The following SPDYE18 variants were observed in gnomAD, a reference collection of about 807,000 sequenced individuals.
The protein encoded by SPDYE18 is speedy protein E18.
In SPDYE18, 6 loss-of-function variants were observed where a neutral mutation model predicts 44.9. The observed-to-expected ratio is 0.13, with a 90% CI of 0.07 to 0.26. SPDYE18 has a LOEUF of 0.26. SPDYE18 is among the 10% of genes least tolerant of loss of function. The pLI, the probability that SPDYE18 is intolerant of heterozygous loss-of-function variation, is 1.00. For synonymous variants in SPDYE18, 35 were observed against 177.1 expected (o/e 0.20, Z 6.37); for missense variants, 121 against 463.2 (o/e 0.26, Z 6.78).
Position 77,060,000 on chromosome 7 carries a change from C to T in SPDYE18, c.160+353G>A, listed in dbSNP as rs570664713. Among the ~76,000 whole-genome samples the T allele has an allele frequency of 2.7e-5, 4 of 147,650 alleles. No homozygotes were observed. In the South Asian group the frequency reaches 6.4e-4, roughly 24 times the overall value. ...CCCTCCTCAGGTTCTCCTTCCTGAC[C>T]GCTGACCCTTCTTTTCTTTTTTCTT... is the stretch of plus-strand genomic sequence containing the variant. On this transcript the variant is annotated intron_variant, in intron 2 of 8. Coordinates refer to ENST00000510091, the MANE Select transcript of SPDYE18 (RefSeq NM_001394953.1).
chr7:77,052,707 C>T, intron 8 of SPDYE18, 26 bp downstream of exon 8: 1 of 1,578,260 alleles, frequency 6.3e-7, no homozygotes, highest in Admixed American at 1.8e-5. Context: ...AATATTCTGC[C>T]TTTACCCCGG....
At chr7:77,059,597 C>T (rs1378547597) in intron 2 of SPDYE18, among the ~76,000 whole-genome samples, 199 bp from the exon 3 acceptor site, 42 of 151,080 alleles carry the variant, frequency 2.8e-4, no homozygotes, top group East Asian at 2.0e-3. Flanking sequence ...CTCTGTCCTC[C>T]GAACACTGCT....
intron 4 of SPDYE18, among the ~76,000 whole-genome samples, chr7:77,056,894 CAG>C (rs1198242481): frequency 4.0e-5 from 6 of 151,166 alleles, no homozygotes. Flanking sequence ...GGGACCACTG[CAG>C]AGTCATAAAG....
chr7:77,054,704 C>T (rs867803032), intron 6 of SPDYE18, among the ~76,000 whole-genome samples: 4 of 151,114 alleles, frequency 2.6e-5, no homozygotes, highest in African/African-American at 9.7e-5. Context: ...CCCTTAGGAG[C>T]GGTTTATGGT....
chr7:77,053,786 T>C, intron 6 of SPDYE18, among the ~76,000 whole-genome samples: 1 of 151,350 alleles, frequency 6.6e-6, no homozygotes, highest in African/African-American at 2.4e-5. Flanking sequence ...TTGCAGTGAG[T>C]CGAGATTGGG....
Position 77,051,184 on chromosome 7 carries a change from G to T in SPDYE18, c.*741C>A, listed in dbSNP as rs1175329374. ...TTTATGGAAGTATCATAGATAAAAA[G>T]AGTGCTCGCTTCAGGAGCACATATA... On this transcript the variant is annotated 3_prime_UTR_variant, in exon 9 of 9. Coordinates refer to ENST00000510091, the MANE Select transcript of SPDYE18 (RefSeq NM_001394953.1). 6.6e-6 allele frequency among the ~76,000 whole-genome samples: 1 copy of T among 152,104 alleles called. No individual in the cohort carries two copies. Among genetic ancestry groups the T allele is most frequent in the Non-Finnish European group, 1.5e-5 (1 of 68,026 alleles).
intron 3 of SPDYE18, among the ~76,000 whole-genome samples, chr7:77,058,671 ATTG>A (rs1417719941): frequency 6.8e-6 from 1 of 147,326 alleles, no homozygotes; most frequent in Non-Finnish European, 1.5e-5. Context: ...TAATTTTTGT[ATTG>A]TTAGTATAAA....
rs1480786479 is a variant in SPDYE18 at position 77,050,788 on chromosome 7, G to A, written c.*1137C>T. Among the ~76,000 whole-genome samples the A allele has an allele frequency of 6.6e-6, 1 of 151,718 alleles. No homozygotes were observed. Among genetic ancestry groups the A allele is most frequent in the Non-Finnish European group, 1.5e-5 (1 of 67,954 alleles). On this transcript the variant is annotated 3_prime_UTR_variant, in exon 9 of 9. Transcript: ENST00000510091. Reference sequence around the variant, plus strand: ...AAGGAAAACAAAATTATATGTATGTGTATATAATAGTTATAACACCCATCA... The same window carrying A: ...AAGGAAAACAAAATTATATGTATGTATATATAATAGTTATAACACCCATCA...
chr7:77,060,576 A>G lies in SPDYE18; in HGVS notation c.-64T>C, dbSNP rs1790005716. ...GTTATCAATTCTCAAGCCTAGGAGA[A>G]GTCAGGAGTGGAGAACAGCTCTGAG... On this transcript the variant is annotated 5_prime_UTR_variant, in exon 2 of 9. Coordinates refer to ENST00000510091, the MANE Select transcript of SPDYE18 (RefSeq NM_001394953.1). The G allele has an allele frequency of 6.5e-7, 1 of 1,534,514 alleles. No individual in the cohort carries two copies. Among genetic ancestry groups the G allele is most frequent in the Admixed American group, 2.0e-5 (1 of 50,934 alleles).
chr7:77,059,943 C>T (rs1246187566), intron 2 of SPDYE18, among the ~76,000 whole-genome samples: 1 of 150,138 alleles, frequency 6.7e-6, no homozygotes, highest in African/African-American at 2.5e-5. Context: ...AGCCACTGCA[C>T]CCAGCCTGAA....
At chr7:77,059,985 G>T (rs1789993890) in intron 2 of SPDYE18, among the ~76,000 whole-genome samples, 1 of 145,120 alleles carries the variant, frequency 6.9e-6, no homozygotes, top group South Asian at 2.2e-4. Context: ...CCCTCCTCAG[G>T]TTCTCCTTCC....
At chr7:77,051,945 G>A (rs66492377) in intron 8 of SPDYE18, among the ~76,000 whole-genome samples, 66 bp from the exon 9 acceptor site, 11,260 of 143,076 alleles carry the variant, frequency 0.079, no homozygotes, top group Middle Eastern at 0.15. Context: ...GGTTATTCAC[G>A]TCCCATGTCA....
Position 77,060,590 on chromosome 7 carries a change from A to C in SPDYE18, c.-78T>G. 6.5e-7 allele frequency: 1 copy of C among 1,533,108 alleles called. No individual in the cohort carries two copies. Among genetic ancestry groups the C allele is most frequent in the Non-Finnish European group, 8.7e-7 (1 of 1,145,648 alleles). 95.0% of individuals were successfully genotyped at this position (1,533,108 alleles called of 1,614,324 possible). A position where few individuals can be genotyped will look rare whatever the true frequency, so the allele number is the denominator to read the frequency against. ...AGCCTAGGAGAAGTCAGGAGTGGAG[A>C]ACAGCTCTGAGAAGATACTGTTGTC... On this transcript the variant is annotated 5_prime_UTR_variant, in exon 2 of 9. Coordinates refer to ENST00000510091, the MANE Select transcript of SPDYE18 (RefSeq NM_001394953.1).
At position 77,051,044 on chromosome 7, in the gene SPDYE18, A is replaced by G. The variant is rs1206202266; in HGVS notation, c.*881T>C. On this transcript the variant is annotated 3_prime_UTR_variant, in exon 9 of 9. Coordinates refer to ENST00000510091, the MANE Select transcript of SPDYE18 (RefSeq NM_001394953.1). ...ATATATCTGAGACATGTTAAAAATC[A>G]CAACTGAATTCTCACAATTCAGTCA... is the stretch of plus-strand genomic sequence containing the variant. 6.6e-6 allele frequency among the ~76,000 whole-genome samples: 1 copy of G among 151,952 alleles called. No homozygotes were observed. Among genetic ancestry groups the G allele is most frequent in the Admixed American group, 6.6e-5 (1 of 15,264 alleles).
At chr7:77,057,434 A>G (rs1250838323) in intron 4 of SPDYE18, among the ~76,000 whole-genome samples, 1 of 151,378 alleles carries the variant, frequency 6.6e-6, no homozygotes, top group Non-Finnish European at 1.5e-5. Context: ...AAGCTTTCTT[A>G]TCCCAAGCGC....
rs528534062 is a variant in SPDYE18, at chr7:77,062,555, G to C, written c.-481C>G. Among the ~76,000 whole-genome samples, 269 of 152,290 alleles carry C rather than the reference G, an allele frequency of 1.8e-3. No individual in the cohort carries two copies. The highest frequency in any genetic ancestry group is 6.2e-3 in the African/African-American group (258 of 41,556). On this transcript the variant is annotated 5_prime_UTR_variant, in exon 1 of 9. Transcript: ENST00000510091. ...CAGATCTGGGGTCTGTCTCTGCTGA[G>C]GGTGGGGTGAACCAGGAAGCACCTC...
chr7:77,055,479 G>T (rs1320579353), intron 5 of SPDYE18, among the ~76,000 whole-genome samples, 158 bp from the exon 6 acceptor site: 5 of 147,216 alleles, frequency 3.4e-5, no homozygotes, highest in African/African-American at 1.2e-4. Flanking sequence ...GGATGGAGGG[G>T]TATTCGAAGG....
chr7:77,051,809 T>C lies in SPDYE18; in HGVS notation c.*116A>G, dbSNP rs1789805008. The stretch of plus-strand genomic sequence containing the variant: ...CTGCACAAATGGTTCCTCTCCTCTT[T>C]CCTGTTGTCTGCCATTAGCATTGGA... On this transcript the variant is annotated 3_prime_UTR_variant, in exon 9 of 9. Coordinates refer to ENST00000510091, the MANE Select transcript of SPDYE18 (RefSeq NM_001394953.1). Among the ~76,000 whole-genome samples the C allele has an allele frequency of 6.6e-6, 1 of 151,792 alleles. No homozygotes were observed. Among genetic ancestry groups the C allele is most frequent in the Non-Finnish European group, 1.5e-5 (1 of 67,978 alleles).
At chr7:77,053,631 G>A (rs1236631787) in intron 6 of SPDYE18, among the ~76,000 whole-genome samples, 2 of 152,276 alleles carry the variant, frequency 1.3e-5, no homozygotes, top group East Asian at 3.8e-4. Flanking sequence ...CTTGAGACCA[G>A]GAGTTGGAGA....
Sources: gnomAD v4.1 joint callset for allele counts (sites outside exome capture counted in the v4.1 genomes callset) on GRCh38, gnomAD v4.1.1 for gene constraint, MANE v1.5 for transcripts, NCBI Gene and HGNC (gene_info 2026-07-23, HGNC 2026-07-21) for gene names.